Variants in PPP1R16A observed in about 807,000 individuals in gnomAD.
PPP1R16A encodes the protein myosin phosphatase-targeting subunit 3.
A neutral mutation model predicts 46.6 loss-of-function variants in PPP1R16A; 39 were observed. The ratio of observed to expected loss-of-function variants is 0.84; its 90% CI spans 0.65 to 1.09. PPP1R16A has a LOEUF of 1.09. Ranked by LOEUF, PPP1R16A falls within the 50% of genes least tolerant of loss-of-function variation. The pLI, the probability that PPP1R16A is intolerant of heterozygous loss-of-function variation, is 0.00. For missense variants in PPP1R16A, 798 were observed against 735.6 expected (o/e 1.08, Z -0.98); for synonymous variants, 413 against 321.5 (o/e 1.28, Z -3.04).
chr8:144,489,857 G>A (rs536473493), intron 1 of PPP1R16A, among the ~76,000 whole-genome samples, 177 bp from the exon 2 acceptor site: 86 of 152,324 alleles, frequency 5.6e-4, no homozygotes, highest in Non-Finnish European at 1.1e-3. Context: ...ATTTCAGGAG[G>A]TCTCTAGACA....
intron 2 of PPP1R16A, among the ~76,000 whole-genome samples, chr8:144,490,595 C>A (rs561247929): frequency 6.6e-6 from 1 of 152,162 alleles, no homozygotes; most frequent in Non-Finnish European, 1.5e-5. Context: ...TCCCATCCAG[C>A]CTTCCAAATG....
At chr8:144,491,130 C>T (rs1419080080) in intron 2 of PPP1R16A, among the ~76,000 whole-genome samples, 1 of 152,168 alleles carries the variant, frequency 6.6e-6, no homozygotes, top group Non-Finnish European at 1.5e-5. Flanking sequence ...GCTCTGGCAG[C>T]CTCTGCACCC....
At position 144,498,768 on chromosome 8, in the gene PPP1R16A, A is replaced by G; in HGVS notation, c.260-2A>G. On this transcript the variant is annotated splice_acceptor_variant, in intron 3 of 11. Coordinates refer to ENST00000435887, the MANE Select transcript of PPP1R16A (RefSeq NM_001329443.2). LOFTEE classifies it high-confidence loss of function. ...TGTCCTCACCTCGCCACCTTTTTGCAGTCCGCCAGTTCCTTGGGAGTGGGG... is the reference window on the plus strand; with the variant it reads ...TGTCCTCACCTCGCCACCTTTTTGCGGTCCGCCAGTTCCTTGGGAGTGGGG... The G allele has an allele frequency of 6.3e-7, 1 of 1,578,014 alleles. No individual in the cohort carries two copies. The highest frequency in any genetic ancestry group is 1.1e-5 in the South Asian group (1 of 87,576).
chr8:144,487,648 G>A (rs1341774283), intron 1 of PPP1R16A, among the ~76,000 whole-genome samples: 2 of 152,340 alleles, frequency 1.3e-5, no homozygotes, highest in East Asian at 3.8e-4. Context: ...GGGATTGCAG[G>A]TGTGAGCTGC....
chr8:144,499,136 G>T, intron 5 of PPP1R16A, 75 bp downstream of exon 5: 1 of 1,489,004 alleles, frequency 6.7e-7, no homozygotes, highest in Non-Finnish European at 8.9e-7. Context: ...CTCTTGGGCA[G>T]TATCTGTGGC....
At chr8:144,485,134 T>C (rs1376670779) in intron 1 of PPP1R16A, among the ~76,000 whole-genome samples, 1 of 145,702 alleles carries the variant, frequency 6.9e-6, no homozygotes, top group East Asian at 2.0e-4. Context: ...AGGAGGCTCC[T>C]TAGGAAGCCA....
In PPP1R16A at chr8:144,495,014, G is replaced by A. The variant is rs549315345; in HGVS notation, c.-734-1447G>A. Reference sequence around the variant, plus strand: ...GTGTGTGCTTGCCCTGGCCTCTGCGGTCTACAGAGCTGGCCAGGCTTAGGA... The same window carrying A: ...GTGTGTGCTTGCCCTGGCCTCTGCGATCTACAGAGCTGGCCAGGCTTAGGA... On this transcript the variant is annotated intron_variant, in intron 2 of 11. Coordinates refer to ENST00000435887, the MANE Select transcript of PPP1R16A (RefSeq NM_001329443.2). Among the ~76,000 whole-genome samples, 302 of 152,324 alleles carry A rather than the reference G, an allele frequency of 2.0e-3. 1 individual carries two copies. Among genetic ancestry groups the A allele is most frequent in the African/African-American group, 7.0e-3 (289 of 41,578 alleles).
At position 144,501,143 on chromosome 8, in the gene PPP1R16A, G is replaced by T. The variant is rs749906793; in HGVS notation, c.1052G>T (p.Arg351Leu). ...CTCCTCCCCAGGAAGGTGGTGAGGCGGGTGAGCCTAACCCAGCGCACCGAC... is the reference window on the plus strand; with the variant it reads ...CTCCTCCCCAGGAAGGTGGTGAGGCTGGTGAGCCTAACCCAGCGCACCGAC... Reference protein sequence around the residue: ...SAGSRGKVVRRVSLTQRTDLY... With the variant: ...SAGSRGKVVRLVSLTQRTDLY... The change falls in exon 11 of 12, where the codon CGG becomes CTG. Residue 351 changes from arginine to leucine, a missense_variant. By Grantham distance (102) the Arg-to-Leu change is moderately radical. Transcript: ENST00000435887. 3 of 1,610,842 alleles carry T rather than the reference G, an allele frequency of 1.9e-6. No homozygotes were observed. The highest frequency in any genetic ancestry group is 1.7e-6 in the Non-Finnish European group (2 of 1,179,662).
At chr8:144,494,217 C>T (rs533442954) in intron 2 of PPP1R16A, among the ~76,000 whole-genome samples, 1 of 152,206 alleles carries the variant, frequency 6.6e-6, no homozygotes, top group Admixed American at 6.5e-5. Context: ...AGCGACCAGC[C>T]TGCTTAGGCC....
rs963560596 is a variant in PPP1R16A, at chr8:144,496,908, G to A, written c.-287G>A. On this transcript the variant is annotated 5_prime_UTR_variant, in exon 3 of 12. Coordinates refer to ENST00000435887, the MANE Select transcript of PPP1R16A (RefSeq NM_001329443.2). The stretch of plus-strand genomic sequence containing the variant: ...CCCATAGGTTGTGCACCCTGACCCC[G>A]AGAGGGAGGCGAGGCGCTGCTTGTC... 1.8e-5 allele frequency: 10 copies of A among 550,140 alleles called. No individual in the cohort carries two copies. Among genetic ancestry groups the A allele is most frequent in the Admixed American group, 1.2e-4 (4 of 32,230 alleles). 34.1% of individuals were successfully genotyped at this position (550,140 alleles called of 1,614,324 possible).
intron 1 of PPP1R16A, among the ~76,000 whole-genome samples, chr8:144,483,235 C>T (rs1283765865): frequency 2.6e-5 from 4 of 152,124 alleles, no homozygotes; most frequent in Non-Finnish European, 5.9e-5. Flanking sequence ...AGTAGGTTTC[C>T]TCATCTGTGG....
intron 1 of PPP1R16A, 44 bp downstream of exon 1, chr8:144,478,171 G>A: frequency 5.1e-6 from 2 of 394,166 alleles, no homozygotes; most frequent in Non-Finnish European, 9.0e-6. Flanking sequence ...GCGGAGCGAG[G>A]GAGAGGGGCC....
At position 144,501,885 on chromosome 8, in the gene PPP1R16A, G is replaced by A. The variant is rs375214280; in HGVS notation, c.1569G>A (p.Pro523=). The A allele has an allele frequency of 2.5e-4, 385 of 1,533,024 alleles. No individual in the cohort carries two copies. Among genetic ancestry groups the A allele is most frequent in the Non-Finnish European group, 3.1e-4 (349 of 1,140,082 alleles). The allele number at this position is 1,533,024 out of a possible 1,614,324, so 95.0% of individuals were successfully genotyped here. The change falls in exon 12 of 12, where the codon CCG becomes CCA. Residue 523 remains proline, a synonymous_variant. Transcript: ENST00000435887. ...TGGAGGCTCCCGTGGAGAGGAGGCC[G>A]TGCTGCCTGCTCATGTGAGGCTGTT... ...PAVEAPVERR[P]CCLLM
intron 1 of PPP1R16A, among the ~76,000 whole-genome samples, chr8:144,486,023 CTATGG>C (rs1692170522): frequency 6.6e-6 from 1 of 152,186 alleles, no homozygotes; most frequent in Admixed American, 6.5e-5. Flanking sequence ...GAGGAAACGT[CTATGG>C]TATGGATGGA....
At chr8:144,486,983 C>A (rs1825647333) in intron 1 of PPP1R16A, among the ~76,000 whole-genome samples, 3 of 152,024 alleles carry the variant, frequency 2.0e-5, no homozygotes, top group African/African-American at 7.2e-5. Flanking sequence ...GGTCAAGATT[C>A]TTTTCTTTTC....
At position 144,496,949 on chromosome 8, in the gene PPP1R16A, G is replaced by A; in HGVS notation, c.-246G>A. 1.7e-6 allele frequency: 1 copy of A among 593,012 alleles called. No homozygotes were observed. The highest frequency in any genetic ancestry group is 2.8e-5 in the East Asian group (1 of 35,488). The allele number at this position is 593,012 out of a possible 1,614,324, so 36.7% of individuals were successfully genotyped here. A position where few individuals can be genotyped will look rare whatever the true frequency, so the allele number is the denominator to read the frequency against. On this transcript the variant is annotated 5_prime_UTR_variant, in exon 3 of 12. Coordinates refer to ENST00000435887, the MANE Select transcript of PPP1R16A (RefSeq NM_001329443.2). ...GCTGCTTGTCGACAGCTAGAGGCTG[G>A]CCTGGGGAGCAGGTTTGGGGTGCCC...
intron 10 of PPP1R16A, 44 bp downstream of exon 10, chr8:144,501,015 C>T (rs1386616088): frequency 1.4e-6 from 2 of 1,462,308 alleles, no homozygotes; most frequent in Admixed American, 2.5e-5. Flanking sequence ...CTTGGCCCCG[C>T]GGACGTCAGC....
At chr8:144,500,421 G>T in intron 7 of PPP1R16A, 30 bp downstream of exon 7, 6 of 1,521,094 alleles carry the variant, frequency 3.9e-6, no homozygotes, top group Non-Finnish European at 5.3e-6. Flanking sequence ...GGGCACACGG[G>T]GCTGGGGGCC....
intron 3 of PPP1R16A, 46 bp downstream of exon 3, chr8:144,497,499 C>G: frequency 6.2e-7 from 1 of 1,608,500 alleles, no homozygotes; most frequent in Non-Finnish European, 8.5e-7. Flanking sequence ...ACGGCCCACT[C>G]CCTGCTACCT....
Sources: allele counts gnomAD v4.1 joint callset (sites outside exome capture counted in the v4.1 genomes callset), GRCh38; gene constraint gnomAD v4.1.1; transcripts MANE v1.5; gene names NCBI Gene and HGNC (gene_info 2026-07-23, HGNC 2026-07-21).